ROBO2: variants seen among roughly 807,000 people sequenced by gnomAD.
The protein encoded by ROBO2 is roundabout homolog 2.
Under a neutral mutation model 160.8 loss-of-function variants are expected in ROBO2, and 53 were observed. That is an observed-to-expected ratio of 0.33 (90% CI 0.26 to 0.41). ROBO2 has a LOEUF of 0.41. Among genes scored for constraint, ROBO2 ranks in the 10% least tolerant of loss-of-function variants. ROBO2 has a pLI of 1.00. For synonymous variants in ROBO2, 664 were observed against 611.7 expected, an observed-to-expected ratio of 1.09 and a Z score of -1.26; for missense variants, 1,577 against 1,722.4, an observed-to-expected ratio of 0.92 and a Z score of 1.49.
intron 2 of ROBO2, among the ~76,000 whole-genome samples, chr3:76,693,000 A>T (rs2092837684): frequency 6.7e-6 from 1 of 150,096 alleles, no homozygotes; most frequent in African/African-American, 2.4e-5. Flanking sequence ...GTATGTATAT[A>T]TGTATGTATA....
intron 2 of ROBO2, among the ~76,000 whole-genome samples, chr3:76,625,047 G>C (rs1041653681): frequency 2.6e-4 from 40 of 152,124 alleles, no homozygotes; most frequent in African/African-American, 9.4e-4. Context: ...ATTTAATGCA[G>C]TTGCCCTAAT....
intron 2 of ROBO2, among the ~76,000 whole-genome samples, chr3:76,221,334 G>A (rs1703951456): frequency 6.8e-6 from 1 of 147,894 alleles, no homozygotes; most frequent in African/African-American, 2.5e-5. Flanking sequence ...TTACAAGTGG[G>A]TAACTCAGGG....
chr3:76,199,479 C>T (rs935752784), intron 2 of ROBO2, among the ~76,000 whole-genome samples: 3 of 152,102 alleles, frequency 2.0e-5, no homozygotes, highest in African/African-American at 7.2e-5. Flanking sequence ...CCTTGAGACC[C>T]ATATAGAACC....
In ROBO2 at chr3:77,607,753, A is replaced by T. The variant is rs146397934; in HGVS notation, c.3137-45A>T. On this transcript the variant is annotated intron_variant, in intron 20 of 25. Transcript: ENST00000461745. ...CCTTGCCATCTGATGTATTCTCTTT[A>T]TTCTGCTATTTGGCATCTCTGAATA... 2,290 of 1,571,902 alleles carry T rather than the reference A, an allele frequency of 1.5e-3. 7 individuals carry two copies. The highest frequency in any genetic ancestry group is 1.4e-3 in the Non-Finnish European group (1,544 of 1,142,042).
chr3:76,403,025 C>T (rs567252246), intron 2 of ROBO2, among the ~76,000 whole-genome samples: 6 of 151,628 alleles, frequency 4.0e-5, no homozygotes, highest in African/African-American at 1.4e-4. Context: ...AAGACTGGGG[C>T]CAATAAATGT....
At chr3:76,131,587 A>G (rs1215795705) in intron 2 of ROBO2, among the ~76,000 whole-genome samples, 1 of 152,082 alleles carries the variant, frequency 6.6e-6, no homozygotes, top group Non-Finnish European at 1.5e-5. Flanking sequence ...TTGGGCAGGA[A>G]TCAACTGAGA....
rs1457526454 is a variant in ROBO2 at position 76,151,931 on chromosome 3, T to C, written c.109+214329T>C. On this transcript the variant is annotated intron_variant, in intron 2 of 26. Transcript: ENST00000487694. ...AAATAAAAACATGAGTATTGATTCA[T>C]CCAATAAACATTATCAAACGTCTCA... is the stretch of plus-strand genomic sequence containing the variant. 2.0e-5 allele frequency among the ~76,000 whole-genome samples: 3 copies of C among 152,204 alleles called. No homozygotes were observed. In the East Asian group the frequency reaches 5.8e-4, roughly 29 times the overall value.
chr3:76,643,611 T>C (rs1220785491), intron 2 of ROBO2, among the ~76,000 whole-genome samples: 1 of 152,148 alleles, frequency 6.6e-6, no homozygotes, highest in Non-Finnish European at 1.5e-5. Flanking sequence ...TGCAAAAGTA[T>C]GTTTGTGTTA....
chr3:77,299,296 G>A (rs2062438665), intron 2 of ROBO2, among the ~76,000 whole-genome samples: 1 of 152,174 alleles, frequency 6.6e-6, no homozygotes, highest in Non-Finnish European at 1.5e-5. Flanking sequence ...TTTGGTAAAA[G>A]CAACTTAAGA....
At chr3:76,386,554 A>C (rs1384517717) in intron 2 of ROBO2, among the ~76,000 whole-genome samples, 1 of 152,090 alleles carries the variant, frequency 6.6e-6, no homozygotes, top group African/African-American at 2.4e-5. Flanking sequence ...TAAAGGTTGC[A>C]AGCCATTGTG....
intron 2 of ROBO2, among the ~76,000 whole-genome samples, chr3:75,978,701 C>T (rs1056492353): frequency 6.6e-6 from 1 of 151,550 alleles, no homozygotes; most frequent in East Asian, 1.9e-4. Context: ...GGTAAAGACA[C>T]ATGCAAGTTC....
chr3:76,563,562 C>T (rs915019137), intron 2 of ROBO2, among the ~76,000 whole-genome samples: 2 of 151,860 alleles, frequency 1.3e-5, no homozygotes, highest in Non-Finnish European at 2.9e-5. Flanking sequence ...GTTTGAATTC[C>T]CAGATCTTTG....
intron 2 of ROBO2, among the ~76,000 whole-genome samples, chr3:77,305,487 T>C (rs1378705532): frequency 6.6e-6 from 1 of 152,186 alleles, no homozygotes; most frequent in East Asian, 1.9e-4. Flanking sequence ...TCAGGTGGGA[T>C]GTAAAAAGGA....
At chr3:77,634,938 G>T in exon 24 of ROBO2, 1 of 1,614,112 alleles carries the variant, frequency 6.2e-7, no homozygotes, top group Non-Finnish European at 8.5e-7. Flanking sequence ...TAACACCAGT[G>T]CAGCCCTGAG....
chr3:77,218,147 T>G (rs2085228443), intron 2 of ROBO2, among the ~76,000 whole-genome samples: 1 of 152,188 alleles, frequency 6.6e-6, no homozygotes, highest in African/African-American at 2.4e-5. Flanking sequence ...AATCATCATG[T>G]ATGGATGTGT....
At chr3:76,759,339 A>T (rs2061166841) in intron 2 of ROBO2, among the ~76,000 whole-genome samples, 1 of 151,838 alleles carries the variant, frequency 6.6e-6, no homozygotes, top group Non-Finnish European at 1.5e-5. Flanking sequence ...AAATGTCAGA[A>T]TTTAAACAAT....
At chr3:77,292,199 A>G (rs567273269) in intron 2 of ROBO2, among the ~76,000 whole-genome samples, 11 of 151,796 alleles carry the variant, frequency 7.2e-5, no homozygotes, top group African/African-American at 2.7e-4. Context: ...AGTAAAATTG[A>G]TGGTTAAACG....
chr3:76,631,766 C>T lies in ROBO2; in HGVS notation c.110-466248C>T, dbSNP rs939654205. On this transcript the variant is annotated intron_variant, in intron 2 of 26. Coordinates refer to the ROBO2 transcript ENST00000487694. Reference sequence around the variant, plus strand: ...TTATTGTTAAACCTGGCTTCTTGGTCGGTTGATTAGCAATCCCACCTCCCT... The same window carrying T: ...TTATTGTTAAACCTGGCTTCTTGGTTGGTTGATTAGCAATCCCACCTCCCT... 9.2e-5 allele frequency among the ~76,000 whole-genome samples: 14 copies of T among 152,206 alleles called. No homozygotes were observed. The East Asian group carries it at 1.7e-3, about 19-fold the overall frequency.
intron 2 of ROBO2, among the ~76,000 whole-genome samples, chr3:76,445,712 C>T (rs921609952): frequency 2.2e-4 from 34 of 152,216 alleles, no homozygotes; most frequent in Admixed American, 3.9e-4. Flanking sequence ...GGCTTCATCC[C>T]TGGGATGCAA....
Sources: gnomAD v4.1 joint callset for allele counts (sites outside exome capture counted in the v4.1 genomes callset) on GRCh38, gnomAD v4.1.1 for gene constraint, MANE v1.5 for transcripts, NCBI Gene and HGNC (gene_info 2026-07-23, HGNC 2026-07-21) for gene names.